Variants in RUVBL1 observed in about 807,000 individuals in gnomAD.
RUVBL1 encodes the protein ruvB-like 1.
Under a neutral mutation model 52.4 loss-of-function variants are expected in RUVBL1, and 4 were observed. That is an observed-to-expected ratio of 0.08 (90% confidence interval 0.04 to 0.17). The LOEUF (loss-of-function observed/expected upper bound fraction) is 0.17, where lower values mean the gene tolerates loss of function less well. Ranked by LOEUF, RUVBL1 falls within the 10% of genes least tolerant of loss-of-function variation. The pLI is 1.00. For missense variants in RUVBL1, 298 were observed against 572.8 expected (o/e 0.52, Z 4.90); for synonymous variants, 217 against 214.4 (o/e 1.01, Z -0.10).
intron 2 of RUVBL1, among the ~76,000 whole-genome samples, chr3:128,114,218 C>A (rs1287659471): frequency 6.6e-6 from 1 of 152,154 alleles, no homozygotes; most frequent in Admixed American, 6.5e-5. Context: ...AAGGCCAGCT[C>A]CCCAGGTATA....
chr3:128,096,784 G>A (rs923971426), intron 8 of RUVBL1, among the ~76,000 whole-genome samples: 4 of 151,640 alleles, frequency 2.6e-5, no homozygotes, highest in African/African-American at 7.3e-5. Flanking sequence ...CCGAGATCGC[G>A]CCACTGCACT....
intron 1 of RUVBL1, among the ~76,000 whole-genome samples, chr3:128,150,797 A>C (rs1248032327): frequency 1.7e-4 from 13 of 77,068 alleles, no homozygotes; most frequent in African/African-American, 5.9e-4. Flanking sequence ...TATTCTATAT[A>C]TTATATATTC....
At chr3:128,130,614 A>ATC (rs1943861487) in intron 1 of RUVBL1, among the ~76,000 whole-genome samples, 1 of 105,352 alleles carries the variant, frequency 9.5e-6, no homozygotes, top group Non-Finnish European at 1.8e-5. Flanking sequence ...AAAAAAAAAA[A>ATC]TTTTATTTAT....
intron 1 of RUVBL1, among the ~76,000 whole-genome samples, chr3:128,151,630 C>T (rs566637679): frequency 6.6e-6 from 1 of 152,206 alleles, no homozygotes; most frequent in South Asian, 2.1e-4. Context: ...AACAAAGATT[C>T]TGTTCTCTTC....
At chr3:128,140,220 T>G (rs1943999620) in intron 1 of RUVBL1, among the ~76,000 whole-genome samples, 1 of 63,024 alleles carries the variant, frequency 1.6e-5, no homozygotes, top group Non-Finnish European at 2.7e-5. Context: ...ATACAAGTTT[T>G]TTTGTTTGTT....
chr3:128,126,419 G>A (rs1020775701), upstream of RUVBL1, among the ~76,000 whole-genome samples: 4 of 152,030 alleles, frequency 2.6e-5, no homozygotes, highest in Admixed American at 6.5e-5. Context: ...GATGGCAGGC[G>A]CCTGTAACCC....
Position 128,067,815 on chromosome 3 carries a change from C to T in RUVBL1, c.940-2595G>A. ...GTGGGTATGAGAATCTGAATCCACA[C>T]TGTAAAGTTAGACTTTTTCATATGA... On this transcript the variant is annotated intron_variant, in intron 9 of 9. Coordinates refer to the RUVBL1 transcript ENST00000464873. The surrounding 1 kb of genome is among the most constrained non-coding windows in gnomAD (Gnocchi z 4.1). 1 of 694,922 alleles carries T rather than the reference C, an allele frequency of 1.4e-6. No individual in the cohort carries two copies. The highest frequency in any genetic ancestry group is 2.6e-5 in the East Asian group (1 of 38,122). 43.0% of individuals were successfully genotyped at this position (694,922 alleles called of 1,614,324 possible).
intron 1 of RUVBL1, among the ~76,000 whole-genome samples, chr3:128,123,124 A>G (rs1038299359): frequency 6.6e-6 from 1 of 152,142 alleles, no homozygotes; most frequent in African/African-American, 2.4e-5. Flanking sequence ...TGCATTCACA[A>G]TAAAATCCAA....
intron 9 of RUVBL1, chr3:128,084,457 C>T (rs1435710909): frequency 1.3e-5 from 2 of 152,186 alleles, no homozygotes; most frequent in Non-Finnish European, 2.9e-5. Context: ...CCCCAGATGA[C>T]CTTCTGAAAC....
At position 128,066,842 on chromosome 3, in the gene RUVBL1, C is replaced by T. The variant is rs1181246962; in HGVS notation, c.940-1622G>A. 10 of 997,306 alleles carry T rather than the reference C, an allele frequency of 1.0e-5. No homozygotes were observed. The East Asian group carries it at 1.5e-4, about 15-fold the overall frequency. The allele number at this position is 997,306 out of a possible 1,614,324, so 61.8% of individuals were successfully genotyped here. On this transcript the variant is annotated intron_variant, in intron 9 of 9. Transcript: ENST00000464873. ...GGAACTGGGAGCCCCAGAACCAGCA[C>T]ACAGGATTTCCTCCCTTGTGGCCCA... is the stretch of plus-strand genomic sequence containing the variant.
At chr3:128,151,394 G>GGT (rs1944209951) in intron 1 of RUVBL1, among the ~76,000 whole-genome samples, 2 of 151,016 alleles carry the variant, frequency 1.3e-5, no homozygotes, top group South Asian at 4.2e-4. Context: ...TACCATTTCA[G>GGT]GATTCTGTTT....
chr3:128,123,747 A>G lies in RUVBL1; in HGVS notation c.-23T>C, dbSNP rs772383014. On this transcript the variant is annotated 5_prime_UTR_variant, in exon 1 of 11. Coordinates refer to ENST00000322623, the MANE Select transcript of RUVBL1 (RefSeq NM_003707.3). ...CATTTTGCAGACGCCGGGAGCTAAA[A>G]CCAGCGTGGAAAACCAGCAGCTAGG... 1.3e-6 allele frequency: 2 copies of G among 1,584,914 alleles called. No homozygotes were observed. Among genetic ancestry groups the G allele is most frequent in the South Asian group, 2.2e-5 (2 of 90,092 alleles).
At chr3:128,111,449 CCT>C (rs767089537) in intron 3 of RUVBL1, among the ~76,000 whole-genome samples, 4 of 152,108 alleles carry the variant, frequency 2.6e-5, no homozygotes, top group Non-Finnish European at 5.9e-5. Context: ...TTCCTCGACT[CCT>C]CTCTTTCTTT....
chr3:128,100,492 T>A, intron 6 of RUVBL1, 103 bp downstream of exon 6: 1 of 1,389,038 alleles, frequency 7.2e-7, no homozygotes, highest in South Asian at 1.5e-5. Flanking sequence ...AAAAGGACCG[T>A]CTACCTCAAG....
intron 1 of RUVBL1, among the ~76,000 whole-genome samples, chr3:128,140,554 A>T (rs1184717893): frequency 6.6e-6 from 1 of 152,104 alleles, no homozygotes; most frequent in Non-Finnish European, 1.5e-5. Context: ...AAAGTAACTA[A>T]CATTGATTTA....
At chr3:128,100,809 G>T in intron 5 of RUVBL1, 65 bp from the exon 6 acceptor site, 1 of 1,583,186 alleles carries the variant, frequency 6.3e-7, no homozygotes. Flanking sequence ...AATGGCACAG[G>T]GCTAAGTGAG....
rs142108670 is a variant in RUVBL1 at position 128,106,467 on chromosome 3, C to A, written c.362-1543G>T. 1.0e-3 allele frequency among the ~76,000 whole-genome samples: 154 copies of A among 152,076 alleles called. 1 individual carries two copies. Among genetic ancestry groups the A allele is most frequent in the East Asian group, 8.5e-3 (44 of 5,176 alleles). Reference sequence around the variant, plus strand: ...CTCAGTTTAAAACGTATCCCCCCCCCCTTCACACATTCTTCTTCCTCATCC... The same window carrying A: ...CTCAGTTTAAAACGTATCCCCCCCCACTTCACACATTCTTCTTCCTCATCC... On this transcript the variant is annotated intron_variant, in intron 3 of 10. Transcript: ENST00000322623.
chr3:128,091,205 T>C (rs1311416855), intron 8 of RUVBL1, among the ~76,000 whole-genome samples: 3 of 151,704 alleles, frequency 2.0e-5, no homozygotes, highest in African/African-American at 7.3e-5. Context: ...GAGACGGTTC[T>C]AGTCAGTGAT....
At position 128,153,751 on chromosome 3, in the gene RUVBL1, G is replaced by A. The variant is rs751970437; in HGVS notation, c.-588C>T. On this transcript the variant is annotated 5_prime_UTR_variant, in exon 1 of 10. Transcript: ENST00000464873. ...AGCGCCCGAGGCCGAGCCCGAGCCC[G>A]GCGAGCCACTGCTTCAGGTCACGCT... 159 of 1,540,422 alleles carry A rather than the reference G, an allele frequency of 1.0e-4. No homozygotes were observed. The African/African-American group carries it at 1.6e-3, about 16-fold the overall frequency.
Sources: gnomAD v4.1 joint callset for allele counts (sites outside exome capture counted in the v4.1 genomes callset) on GRCh38, gnomAD v4.1.1 for gene constraint, Gnocchi (gnomAD v3.1) non-coding constraint, MANE v1.5 for transcripts, NCBI Gene and HGNC (gene_info 2026-07-23, HGNC 2026-07-21) for gene names.